KIF16B: variants seen among roughly 807,000 people sequenced by gnomAD.
The protein encoded by KIF16B is kinesin family member 16B, also known as kinesin-like protein KIF16B.
KIF16B carries 98 observed loss-of-function variants against 156.3 expected under a neutral mutation model. That is an observed-to-expected ratio of 0.63 (90% confidence interval 0.53 to 0.74). The LOEUF is 0.74. KIF16B is among the 30% of genes least tolerant of loss of function. KIF16B has a pLI of 0.00. For synonymous variants in KIF16B, 564 were observed against 583.7 expected (o/e 0.97, Z 0.49); for missense variants, 1,421 against 1,606.5 (o/e 0.88, Z 1.97).
chr20:16,555,147 A>G (rs927347987), intron 1 of KIF16B, among the ~76,000 whole-genome samples: 16 of 152,110 alleles, frequency 1.1e-4, no homozygotes, highest in African/African-American at 3.9e-4. Context: ...TACCAACATC[A>G]CCACAATATT....
chr20:16,420,691 T>C (rs2066203976), intron 15 of KIF16B, among the ~76,000 whole-genome samples: 1 of 152,064 alleles, frequency 6.6e-6, no homozygotes. Flanking sequence ...TGGGTCTGCC[T>C]CAAAAGGTTT....
intron 1 of KIF16B, among the ~76,000 whole-genome samples, chr20:16,570,561 T>C (rs917981169): frequency 2.0e-5 from 3 of 152,236 alleles, no homozygotes; most frequent in Non-Finnish European, 2.9e-5. Context: ...TCTTTCCTTA[T>C]AAATTAGGTC....
rs200217749 is a variant in KIF16B, at chr20:16,366,070, A to G, written c.3498+4516T>C. 5.6e-4 allele frequency among the ~76,000 whole-genome samples: 44 copies of G among 78,484 alleles called. No individual in the cohort carries two copies. The East Asian group carries it at 0.1, about 186-fold the overall frequency. The allele number at this position is 78,484 out of a possible 152,430, so 51.5% of individuals were successfully genotyped here. A position where few individuals can be genotyped will look rare whatever the true frequency, so the allele number is the denominator to read the frequency against. On this transcript the variant is annotated intron_variant, in intron 22 of 25. Coordinates refer to ENST00000354981, the MANE Select transcript of KIF16B (RefSeq NM_024704.5). ...ATATGTAACCTGATAGGATTTTTGGACAGAGGGGGACAGAGAGGAAAGGGT... is the reference window on the plus strand; with the variant it reads ...ATATGTAACCTGATAGGATTTTTGGGCAGAGGGGGACAGAGAGGAAAGGGT...
rs1294667142 is a variant in KIF16B at position 16,297,495 on chromosome 20, AT to A, written c.3795+14839del. On this transcript the variant is annotated intron_variant, in intron 25 of 25. Transcript: ENST00000354981. ...ATCACGAGGTCAGGAGATCAAGACC[AT>A]TCTGGCTGGCTAACACGGTGAAACC... Among the ~76,000 whole-genome samples the A allele has an allele frequency of 8.5e-5, 13 of 152,168 alleles. 1 individual carries two copies. The highest frequency in any genetic ancestry group is 3.4e-3 in the Middle Eastern group (1 of 294).
At chr20:16,424,442 C>T (rs1053557224) in intron 15 of KIF16B, among the ~76,000 whole-genome samples, 1 of 152,112 alleles carries the variant, frequency 6.6e-6, no homozygotes, top group African/African-American at 2.4e-5. Context: ...TGCTTACAAA[C>T]TTGGCTAACC....
chr20:16,406,508 T>G (rs750212785), intron 15 of KIF16B, 52 bp from the exon 16 acceptor site: 1 of 1,410,926 alleles, frequency 7.1e-7, no homozygotes, highest in East Asian at 2.3e-5. Context: ...TCTGGTCAGT[T>G]GCCAATACCA....
intron 24 of KIF16B, among the ~76,000 whole-genome samples, chr20:16,328,066 C>T (rs2063886714): frequency 6.6e-6 from 1 of 152,148 alleles, no homozygotes; most frequent in Non-Finnish European, 1.5e-5. Context: ...TTCTTTGGTG[C>T]TGCTCAGAAA....
At chr20:16,418,926 C>T (rs187106216) in intron 15 of KIF16B, among the ~76,000 whole-genome samples, 68 of 152,216 alleles carry the variant, frequency 4.5e-4, no homozygotes, top group African/African-American at 1.5e-3. Context: ...TCAGAATGGC[C>T]ACCCTGCAGG....
At chr20:16,510,998 G>A (rs950474165) in intron 6 of KIF16B, among the ~76,000 whole-genome samples, 13 of 152,300 alleles carry the variant, frequency 8.5e-5, no homozygotes, top group Non-Finnish European at 1.9e-4. Flanking sequence ...CACAGATGCT[G>A]AAACCCACAG....
intron 25 of KIF16B, among the ~76,000 whole-genome samples, chr20:16,293,923 C>T (rs1360210): frequency 1.3e-5 from 2 of 151,524 alleles, no homozygotes; most frequent in South Asian, 4.2e-4. Flanking sequence ...AGAGGGGCTG[C>T]GGGGGGTGCA....
intron 25 of KIF16B, among the ~76,000 whole-genome samples, chr20:16,276,932 CAA>C (rs1406576765): frequency 6.6e-6 from 1 of 152,178 alleles, no homozygotes; most frequent in Non-Finnish European, 1.5e-5. Context: ...TACAGTTTCA[CAA>C]AGTTAATATA....
intron 15 of KIF16B, among the ~76,000 whole-genome samples, chr20:16,414,697 C>T (rs749432383): frequency 2.6e-5 from 4 of 152,082 alleles, no homozygotes; most frequent in Non-Finnish European, 5.9e-5. Flanking sequence ...ATGCTCCAGT[C>T]CCATACCCAA....
At chr20:16,483,362 G>T (rs76371329) in intron 12 of KIF16B, among the ~76,000 whole-genome samples, 2,998 of 152,236 alleles carry the variant, frequency 0.02, 103 homozygotes, top group African/African-American at 0.069. Flanking sequence ...TAAACAAACA[G>T]AAAATTGTAG....
chr20:16,308,603 G>A (rs2063573976), intron 25 of KIF16B, among the ~76,000 whole-genome samples: 1 of 152,238 alleles, frequency 6.6e-6, no homozygotes. Context: ...GCCTTCACCT[G>A]TAAGATGAAG....
intron 15 of KIF16B, among the ~76,000 whole-genome samples, chr20:16,419,579 C>T (rs1234301952): frequency 6.6e-6 from 1 of 151,926 alleles, no homozygotes; most frequent in African/African-American, 2.4e-5. Context: ...TCAAATGTGC[C>T]CAAGTATAAA....
At chr20:16,552,298 T>C (rs914136908) in intron 1 of KIF16B, among the ~76,000 whole-genome samples, 2 of 152,204 alleles carry the variant, frequency 1.3e-5, no homozygotes, top group African/African-American at 2.4e-5. Context: ...AACAGCTACA[T>C]GTGCCTCTGA....
chr20:16,556,647 A>G (rs763236823), intron 1 of KIF16B, among the ~76,000 whole-genome samples: 1 of 152,160 alleles, frequency 6.6e-6, no homozygotes, highest in East Asian at 1.9e-4. Flanking sequence ...AATAGGCCCT[A>G]TATGAGCCAC....
At chr20:16,290,280 C>T (rs2063294649) in intron 25 of KIF16B, among the ~76,000 whole-genome samples, 1 of 152,344 alleles carries the variant, frequency 6.6e-6, no homozygotes, top group South Asian at 2.1e-4. Context: ...TATTTGATGG[C>T]ATCACAAAGT....
At chr20:16,355,847 A>G (rs1450167401) in intron 23 of KIF16B, among the ~76,000 whole-genome samples, 1 of 152,262 alleles carries the variant, frequency 6.6e-6, no homozygotes, top group Non-Finnish European at 1.5e-5. Flanking sequence ...TAATAGCAGC[A>G]ATAGCTACAA....
Sources: allele counts gnomAD v4.1 joint callset (sites outside exome capture counted in the v4.1 genomes callset), GRCh38; gene constraint gnomAD v4.1.1; transcripts MANE v1.5; gene names NCBI Gene and HGNC (gene_info 2026-07-23, HGNC 2026-07-21).